Variants in XPR1 observed in about 807,000 individuals in gnomAD.
XPR1 encodes xenotropic and polytropic retrovirus receptor 1.
In XPR1, 28 loss-of-function variants were observed where a neutral mutation model predicts 87.5. That is an observed-to-expected ratio of 0.32 (90% CI 0.24 to 0.44). The LOEUF (loss-of-function observed/expected upper bound fraction) is 0.44, where lower values mean the gene tolerates loss of function less well. XPR1 is among the 20% of genes least tolerant of loss of function. XPR1 has a pLI of 1.00. For synonymous variants in XPR1, 300 were observed against 306.1 expected, an observed-to-expected ratio of 0.98 and a Z score of 0.21; for missense variants, 559 against 862.3, an observed-to-expected ratio of 0.65 and a Z score of 4.41.
At chr1:180,725,667 G>A (rs1163665816) in intron 2 of XPR1, among the ~76,000 whole-genome samples, 3 of 152,112 alleles carry the variant, frequency 2.0e-5, no homozygotes, top group East Asian at 1.9e-4. Flanking sequence ...CAAATTCACC[G>A]AAGTCTCATT....
intron 7 of XPR1, 67 bp downstream of exon 7, chr1:180,811,555 G>A (rs951789153): frequency 7.6e-7 from 1 of 1,315,146 alleles, no homozygotes; most frequent in African/African-American, 1.5e-5. Flanking sequence ...CTGCCCCTCT[G>A]TAAGGAATTA....
At chr1:180,680,566 T>C (rs968449051) in intron 1 of XPR1, among the ~76,000 whole-genome samples, 5 of 152,120 alleles carry the variant, frequency 3.3e-5, no homozygotes, top group Non-Finnish European at 7.4e-5. Context: ...GGTTTCACCA[T>C]GTTGGCCAGG....
At chr1:180,809,223 CAGAA>C (rs1156894250) in intron 6 of XPR1, among the ~76,000 whole-genome samples, 10 of 151,960 alleles carry the variant, frequency 6.6e-5, no homozygotes, top group African/African-American at 1.9e-4. Context: ...TAAATAGTGA[CAGAA>C]AGGAGATCAG....
At chr1:180,814,792 G>A (rs1226119383) in intron 7 of XPR1, among the ~76,000 whole-genome samples, 1 of 152,164 alleles carries the variant, frequency 6.6e-6, no homozygotes, top group Non-Finnish European at 1.5e-5. Context: ...GAGAGCATCA[G>A]GGAATACTTC....
chr1:180,736,988 G>C (rs1658750382), intron 2 of XPR1, among the ~76,000 whole-genome samples: 1 of 152,214 alleles, frequency 6.6e-6, no homozygotes, highest in African/African-American at 2.4e-5. Flanking sequence ...CTGCCCTGTG[G>C]AAAGTATTCT....
chr1:180,644,836 A>G (rs1557936113), intron 1 of XPR1, among the ~76,000 whole-genome samples: 2 of 151,956 alleles, frequency 1.3e-5, no homozygotes, highest in African/African-American at 4.8e-5. Context: ...ATATAATGAA[A>G]TAATTATAGA....
At chr1:180,717,249 T>C (rs1658027597) in intron 2 of XPR1, among the ~76,000 whole-genome samples, 1 of 152,194 alleles carries the variant, frequency 6.6e-6, no homozygotes, top group African/African-American at 2.4e-5. Context: ...CACTTTGGCC[T>C]CCCAAAGTGC....
intron 7 of XPR1, among the ~76,000 whole-genome samples, chr1:180,812,327 A>G (rs1650246913): frequency 6.6e-6 from 1 of 152,204 alleles, no homozygotes; most frequent in South Asian, 2.1e-4. Context: ...GACTATGGCT[A>G]TAAATACCGT....
chr1:180,711,903 A>C lies in XPR1; in HGVS notation c.121+29492A>C, dbSNP rs1287126217. ...TGTATGTGGTGTGAGGCGTGGAACA[A>C]AATTCATTTTTTATATACACATATC... On this transcript the variant is annotated intron_variant, in intron 2 of 14. Transcript: ENST00000367590. Among the ~76,000 whole-genome samples the C allele has an allele frequency of 2.6e-5, 4 of 152,062 alleles. No individual in the cohort carries two copies. In the East Asian group the frequency reaches 7.7e-4, roughly 29 times the overall value.
At chr1:180,858,389 G>A (rs1051132626) in intron 11 of XPR1, among the ~76,000 whole-genome samples, 13 of 152,092 alleles carry the variant, frequency 8.5e-5, no homozygotes, top group African/African-American at 3.1e-4. Flanking sequence ...TATACAGTAT[G>A]AAATAAGCAA....
At position 180,863,887 on chromosome 1, in the gene XPR1, AGT is replaced by A. The variant is rs747012261; in HGVS notation, c.1668+18_1668+19del. ...ATACCCCCAAAAAGTATGTATAAAG[AGT>A]GTGTTTGTTTAAAAGAACAAACTTA... On this transcript the variant is annotated intron_variant, in intron 12 of 14. Transcript: ENST00000367590. 5.1e-6 allele frequency: 8 copies of A among 1,565,204 alleles called. No homozygotes were observed. The African/African-American group carries it at 9.6e-5, about 19-fold the overall frequency.
chr1:180,808,839 T>C (rs1558018500), intron 6 of XPR1, among the ~76,000 whole-genome samples: 3 of 152,184 alleles, frequency 2.0e-5, no homozygotes, highest in African/African-American at 4.8e-5. Flanking sequence ...TGGTGGAATA[T>C]AAAATGTATA....
At chr1:180,661,943 AAG>A (rs1319435850) in intron 1 of XPR1, among the ~76,000 whole-genome samples, 1 of 152,224 alleles carries the variant, frequency 6.6e-6, no homozygotes, top group Non-Finnish European at 1.5e-5. Context: ...CTGCATAAAA[AAG>A]GAAGCAAAAA....
chr1:180,745,934 GT>G (rs1659073921), intron 2 of XPR1, among the ~76,000 whole-genome samples: 1 of 152,076 alleles, frequency 6.6e-6, no homozygotes, highest in South Asian at 2.1e-4. Context: ...TTTTTGTTTT[GT>G]TTTGTTTTTA....
intron 13 of XPR1, among the ~76,000 whole-genome samples, chr1:180,874,295 A>G (rs892793400): frequency 6.6e-6 from 1 of 152,234 alleles, no homozygotes; most frequent in African/African-American, 2.4e-5. Flanking sequence ...ATTGGGAGGT[A>G]AAATGGCTTA....
At chr1:180,860,678 G>T (rs1485899392) in intron 11 of XPR1, among the ~76,000 whole-genome samples, 1 of 152,014 alleles carries the variant, frequency 6.6e-6, no homozygotes, top group Non-Finnish European at 1.5e-5. Flanking sequence ...AACACAGACT[G>T]GTGGTTGTCC....
intron 12 of XPR1, among the ~76,000 whole-genome samples, chr1:180,867,092 T>C (rs1652423026): frequency 1.2e-5 from 1 of 80,386 alleles, no homozygotes; most frequent in Admixed American, 1.4e-4. Context: ...GATAGTTTAC[T>C]GAGAATGATG....
chr1:180,643,929 A>G (rs999825703), intron 1 of XPR1, among the ~76,000 whole-genome samples: 8 of 152,052 alleles, frequency 5.3e-5, no homozygotes, highest in Non-Finnish European at 1.2e-4. Context: ...GCCTCTTAGA[A>G]TGTCTTTACT....
intron 2 of XPR1, among the ~76,000 whole-genome samples, chr1:180,720,395 G>A (rs1196476016): frequency 6.6e-6 from 1 of 152,054 alleles, no homozygotes; most frequent in Non-Finnish European, 1.5e-5. Context: ...TTTTTTGGTA[G>A]AGATACAACA....
Sources: allele counts gnomAD v4.1 joint callset (sites outside exome capture counted in the v4.1 genomes callset), GRCh38; gene constraint gnomAD v4.1.1; transcripts MANE v1.5; gene names NCBI Gene and HGNC (gene_info 2026-07-23, HGNC 2026-07-21).